Variants in KHDC1 observed in about 807,000 individuals in gnomAD.
KHDC1 encodes the protein KH homology domain-containing protein 1.
Under a neutral mutation model 24.7 loss-of-function variants are expected in KHDC1, and 21 were observed. The observed-to-expected ratio is 0.85, with a 90% CI of 0.60 to 1.23. The LOEUF (loss-of-function observed/expected upper bound fraction) is 1.23, where lower values mean the gene tolerates loss of function less well. Ranked by LOEUF, KHDC1 falls within the 50% of genes most tolerant of loss-of-function variation. The pLI, the probability that KHDC1 is intolerant of heterozygous loss-of-function variation, is 0.00. For synonymous variants in KHDC1, 98 were observed against 111.7 expected (o/e 0.88, Z 0.77); for missense variants, 274 against 298.5 (o/e 0.92, Z 0.61).
At chr6:73,301,833 C>T (rs1044548814) in intron 1 of KHDC1, among the ~76,000 whole-genome samples, 3 of 152,164 alleles carry the variant, frequency 2.0e-5, no homozygotes, top group East Asian at 1.9e-4. Context: ...GACCCCACTA[C>T]GTTGCCCAGG....
intron 2 of KHDC1, among the ~76,000 whole-genome samples, chr6:73,266,021 A>G (rs1430142039): frequency 6.6e-6 from 1 of 152,162 alleles, no homozygotes; most frequent in East Asian, 1.9e-4. Context: ...GGGTCTTAGT[A>G]TCCATACAAA....
chr6:73,242,755 C>T (rs1042875619), intron 2 of KHDC1, among the ~76,000 whole-genome samples: 1 of 152,134 alleles, frequency 6.6e-6, no homozygotes, highest in Non-Finnish European at 1.5e-5. Context: ...CTGATTAGTG[C>T]TTGCCTTTCT....
chr6:73,298,399 C>G (rs532604498), intron 1 of KHDC1, among the ~76,000 whole-genome samples: 5 of 148,796 alleles, frequency 3.4e-5, no homozygotes, highest in Non-Finnish European at 7.4e-5. Flanking sequence ...AGCTGTTGCC[C>G]TGGAAGGACT....
intron 2 of KHDC1, 149 bp downstream of exon 1, chr6:73,262,625 G>T: frequency 1.8e-6 from 1 of 546,662 alleles, no homozygotes; most frequent in Non-Finnish European, 2.3e-6. Context: ...ATAGAGGAAA[G>T]TCACACGATC....
At chr6:73,241,992 T>C in intron 4 of KHDC1, 63 bp downstream of exon 3, 1 of 1,524,504 alleles carries the variant, frequency 6.6e-7, no homozygotes, top group Non-Finnish European at 8.9e-7. Context: ...TCCAAGATGC[T>C]ACACAACTTA....
Position 73,263,205 on chromosome 6 carries a change from C to A in KHDC1, c.207-20675G>T, listed in dbSNP as rs1294116805. 7 of 987,122 alleles carry A rather than the reference C, an allele frequency of 7.1e-6. No individual in the cohort carries two copies. The highest frequency in any genetic ancestry group is 8.4e-6 in the Non-Finnish European group (7 of 830,868). The allele number at this position is 987,122 out of a possible 1,614,324, so 61.1% of individuals were successfully genotyped here. A position where few individuals can be genotyped will look rare whatever the true frequency, so the allele number is the denominator to read the frequency against. Reference sequence around the variant, plus strand: ...CGCGCTCGAGCGGAAGTGGCGGCGACCCCGCCGGAAGCGCGCGGCTGCGGC... The same window carrying A: ...CGCGCTCGAGCGGAAGTGGCGGCGAACCCGCCGGAAGCGCGCGGCTGCGGC... On this transcript the variant is annotated intron_variant, in intron 2 of 4. Transcript: ENST00000370384.
chr6:73,250,548 C>T (rs768914635), intron 2 of KHDC1, among the ~76,000 whole-genome samples: 56 of 152,376 alleles, frequency 3.7e-4, no homozygotes, highest in African/African-American at 1.2e-3. Context: ...GAGCCCTTGG[C>T]ATAATATGCC....
chr6:73,258,053 C>T (rs1187702682), intron 2 of KHDC1, among the ~76,000 whole-genome samples: 1 of 152,062 alleles, frequency 6.6e-6, no homozygotes, highest in Non-Finnish European at 1.5e-5. Context: ...CTCAGGAGTT[C>T]GAGACCAGCC....
chr6:73,269,054 C>G, intron 2 of KHDC1: 1 of 155,364 alleles, frequency 6.4e-6, no homozygotes, highest in East Asian at 1.9e-4. Flanking sequence ...GAAATCGAGC[C>G]CAGCGCCGGT....
intron 2 of KHDC1, among the ~76,000 whole-genome samples, chr6:73,290,062 T>TGCAGTCCGCAGTCC (rs543431018): frequency 6.1e-5 from 8 of 131,604 alleles, no homozygotes; most frequent in Admixed American, 4.3e-4. Flanking sequence ...ATTGCGCCAC[T>TGCAGTCCGCAGTCC]GCAGTCCGCA....
chr6:73,249,090 T>G (rs1766730596), intron 2 of KHDC1, among the ~76,000 whole-genome samples: 1 of 152,182 alleles, frequency 6.6e-6, no homozygotes, highest in Admixed American at 6.5e-5. Context: ...TTCTCAATTA[T>G]TAACCCTTGA....
Position 73,282,110 on chromosome 6 carries a change from C to T in KHDC1, c.206+9888G>A, listed in dbSNP as rs536238792. 5.5e-4 allele frequency among the ~76,000 whole-genome samples: 83 copies of T among 149,632 alleles called. 1 individual carries two copies. Among genetic ancestry groups the T allele is most frequent in the African/African-American group, 2.0e-3 (83 of 40,834 alleles). ...GCATGCGCCTGTAGTCCCAGCTACT[C>T]AGGAGGCTGAGGCATGAGAATTGCT... On this transcript the variant is annotated intron_variant, in intron 2 of 4. Coordinates refer to ENST00000370384, the Ensembl canonical transcript of KHDC1.
chr6:73,293,645 G>T (rs1178449447), intron 1 of KHDC1, among the ~76,000 whole-genome samples: 1 of 152,018 alleles, frequency 6.6e-6, no homozygotes, highest in Non-Finnish European at 1.5e-5. Context: ...GGTGGCACAT[G>T]CCTGTAATTA....
chr6:73,309,112 C>A (rs1342834772), intron 1 of KHDC1, among the ~76,000 whole-genome samples: 1 of 152,220 alleles, frequency 6.6e-6, no homozygotes, highest in Non-Finnish European at 1.5e-5. Context: ...TGAGCCAACG[C>A]GCCTGGCAGT....
chr6:73,247,575 G>A (rs555191732), intron 2 of KHDC1, among the ~76,000 whole-genome samples: 1 of 152,176 alleles, frequency 6.6e-6, no homozygotes, highest in Admixed American at 6.5e-5. Context: ...CAAGTGGACG[G>A]CCGGGCACTG....
At chr6:73,241,353 C>T in exon 5 of KHDC1, 1 of 605,628 alleles carries the variant, frequency 1.7e-6, no homozygotes, top group East Asian at 2.8e-5. Context: ...ATTGCTTTGC[C>T]AATAACACTT....
At chr6:73,294,181 G>T (rs921833756) in intron 1 of KHDC1, among the ~76,000 whole-genome samples, 1 of 151,984 alleles carries the variant, frequency 6.6e-6, no homozygotes, top group Non-Finnish European at 1.5e-5. Context: ...TGGATCTATT[G>T]TCTCTTTCCC....
At chr6:73,263,075 C>G in intron 2 of KHDC1, 1 of 551,900 alleles carries the variant, frequency 1.8e-6, no homozygotes, top group South Asian at 6.5e-5. Flanking sequence ...GCGGCAGCGG[C>G]GGCAGCGGCT....
chr6:73,264,995 C>T (rs1022985220), intron 2 of KHDC1, among the ~76,000 whole-genome samples: 14 of 152,048 alleles, frequency 9.2e-5, no homozygotes, highest in Non-Finnish European at 1.9e-4. Context: ...CATGTATACC[C>T]CAGAGACTAG....
Sources: gnomAD v4.1 joint callset for allele counts (sites outside exome capture counted in the v4.1 genomes callset) on GRCh38, gnomAD v4.1.1 for gene constraint, MANE v1.5 for transcripts, NCBI Gene and HGNC (gene_info 2026-07-23, HGNC 2026-07-21) for gene names.